VPS13B: variants seen among roughly 807,000 people sequenced by gnomAD.
VPS13B encodes vacuolar protein sorting 13 homolog B.
A neutral mutation model predicts 426.4 loss-of-function variants in VPS13B; 285 were observed. The observed-to-expected ratio is 0.67, with a 90% CI of 0.61 to 0.74. The LOEUF (loss-of-function observed/expected upper bound fraction) is 0.74. VPS13B is among the 30% of genes least tolerant of loss of function. The probability of loss-of-function intolerance (pLI) is 0.00; values close to 1 mark genes in which losing one functional copy is unlikely to be tolerated. For synonymous variants in VPS13B, 1,676 were observed against 1,676.4 expected, an observed-to-expected ratio of 1.00 and a Z score of 0.01; for missense variants, 4,537 against 4,782.6, an observed-to-expected ratio of 0.95 and a Z score of 1.51.
At chr8:99,163,184 G>T (rs1167721531) in intron 15 of VPS13B, among the ~76,000 whole-genome samples, 1 of 151,844 alleles carries the variant, frequency 6.6e-6, no homozygotes, top group Non-Finnish European at 1.5e-5. Context: ...GTTCTCCAAG[G>T]CCCCACCAGA....
At position 99,349,086 on chromosome 8, in the gene VPS13B, C is replaced by T. The variant is rs375331054; in HGVS notation, c.2825-35122C>T. ...CGGTGGCTCACGCCTGTAATCCCAG[C>T]ACTTTGGGAGGCCGAGGCGGGCGGA... On this transcript the variant is annotated intron_variant, in intron 19 of 61. Coordinates refer to ENST00000357162, the MANE Select transcript of VPS13B (RefSeq NM_152564.5). Among the ~76,000 whole-genome samples, 10 of 151,530 alleles carry T rather than the reference C, an allele frequency of 6.6e-5. No homozygotes were observed. The East Asian group carries it at 1.9e-3, about 29-fold the overall frequency.
intron 19 of VPS13B, among the ~76,000 whole-genome samples, chr8:99,321,555 A>G (rs1402777726): frequency 6.6e-6 from 1 of 152,172 alleles, no homozygotes; most frequent in East Asian, 1.9e-4. Flanking sequence ...AGATGACTAT[A>G]TTAGATAAGG....
At chr8:99,645,631 G>A (rs1196916031) in intron 34 of VPS13B, among the ~76,000 whole-genome samples, 1 of 152,232 alleles carries the variant, frequency 6.6e-6, no homozygotes, top group Non-Finnish European at 1.5e-5. Context: ...GTTGACATCT[G>A]TAAGGCTCTG....
chr8:99,681,570 C>T (rs1831156222), intron 35 of VPS13B, among the ~76,000 whole-genome samples: 1 of 152,068 alleles, frequency 6.6e-6, no homozygotes, highest in Non-Finnish European at 1.5e-5. Context: ...TCTTATTAAA[C>T]CTTAACAGAA....
intron 23 of VPS13B, among the ~76,000 whole-genome samples, chr8:99,451,369 C>T (rs1818189043): frequency 6.6e-6 from 1 of 152,134 alleles, no homozygotes; most frequent in Non-Finnish European, 1.5e-5. Context: ...GAGCACCTAC[C>T]ATGTGGCAGT....
chr8:99,456,544 AT>A (rs1818473107), intron 23 of VPS13B, among the ~76,000 whole-genome samples: 1 of 152,162 alleles, frequency 6.6e-6, no homozygotes, highest in African/African-American at 2.4e-5. Context: ...TATTGACATC[AT>A]GTGGTTTCTA....
At chr8:99,658,476 T>G (rs1343060673) in intron 34 of VPS13B, among the ~76,000 whole-genome samples, 5 of 152,202 alleles carry the variant, frequency 3.3e-5, no homozygotes, top group Admixed American at 1.3e-4. Context: ...ATAACTGTCT[T>G]ATGTCAACCA....
At chr8:99,474,136 G>A (rs890560264) in intron 24 of VPS13B, among the ~76,000 whole-genome samples, 7 of 151,172 alleles carry the variant, frequency 4.6e-5, no homozygotes, top group Non-Finnish European at 1.0e-4. Flanking sequence ...CCCGACATTT[G>A]GAGAAGGTGT....
chr8:99,044,080 C>CTT (rs1334044601), intron 3 of VPS13B, among the ~76,000 whole-genome samples: 3 of 85,422 alleles, frequency 3.5e-5, no homozygotes, highest in Admixed American at 1.1e-4. Flanking sequence ...TTTTTTCTTT[C>CTT]TTTCTTTTTT....
At chr8:99,125,117 G>A (rs997181789) in intron 8 of VPS13B, among the ~76,000 whole-genome samples, 4 of 152,134 alleles carry the variant, frequency 2.6e-5, no homozygotes, top group South Asian at 4.1e-4. Flanking sequence ...ATGATAGGCC[G>A]TCTGCAAGTT....
At chr8:99,615,858 T>G (rs1479863126) in intron 33 of VPS13B, among the ~76,000 whole-genome samples, 1 of 152,176 alleles carries the variant, frequency 6.6e-6, no homozygotes, top group Non-Finnish European at 1.5e-5. Context: ...ATTCTAAAAG[T>G]CCAACTTTCT....
At chr8:99,603,106 G>A (rs1309131745) in intron 33 of VPS13B, among the ~76,000 whole-genome samples, 1 of 152,128 alleles carries the variant, frequency 6.6e-6, no homozygotes, top group Non-Finnish European at 1.5e-5. Flanking sequence ...GGAATTTATT[G>A]GAATGAGAAG....
chr8:99,560,941 C>G (rs553970368), intron 31 of VPS13B, among the ~76,000 whole-genome samples: 70 of 152,236 alleles, frequency 4.6e-4, no homozygotes, highest in African/African-American at 1.6e-3. Flanking sequence ...TTTATGGCCA[C>G]CTAGCCTTAG....
chr8:99,406,140 C>G (rs1344174903), intron 21 of VPS13B, among the ~76,000 whole-genome samples: 1 of 151,968 alleles, frequency 6.6e-6, no homozygotes, highest in East Asian at 1.9e-4. Flanking sequence ...TTCTGTATTC[C>G]CTAAAATAGG....
chr8:99,447,731 A>G (rs1292050661), intron 23 of VPS13B, among the ~76,000 whole-genome samples: 1 of 152,160 alleles, frequency 6.6e-6, no homozygotes, highest in African/African-American at 2.4e-5. Flanking sequence ...TATAAATTTT[A>G]TAGTATGTGT....
At chr8:99,635,398 T>C (rs931233894) in intron 33 of VPS13B, among the ~76,000 whole-genome samples, 3 of 151,982 alleles carry the variant, frequency 2.0e-5, no homozygotes, top group Admixed American at 6.6e-5. Flanking sequence ...AAGGAAAAGG[T>C]ATGACTGTTG....
intron 8 of VPS13B, among the ~76,000 whole-genome samples, chr8:99,133,174 T>C (rs1469292051): frequency 6.6e-6 from 1 of 152,146 alleles, no homozygotes; most frequent in Non-Finnish European, 1.5e-5. Flanking sequence ...CTTAGCTAGG[T>C]CTTCTGGGTA....
intron 21 of VPS13B, among the ~76,000 whole-genome samples, chr8:99,408,347 G>A (rs1048571909): frequency 6.6e-6 from 1 of 152,122 alleles, no homozygotes; most frequent in Non-Finnish European, 1.5e-5. Context: ...TTGCCAGGTA[G>A]TATTACTAGA....
intron 2 of VPS13B, among the ~76,000 whole-genome samples, chr8:99,029,412 A>G (rs1316451065): frequency 2.6e-5 from 4 of 151,738 alleles, no homozygotes; most frequent in Non-Finnish European, 5.9e-5. Flanking sequence ...GCTCTTTGGG[A>G]GGCCAAGGCA....
Sources: gnomAD v4.1 joint callset for allele counts (sites outside exome capture counted in the v4.1 genomes callset) on GRCh38, gnomAD v4.1.1 for gene constraint, MANE v1.5 for transcripts, NCBI Gene and HGNC (gene_info 2026-07-23, HGNC 2026-07-21) for gene names.